The following GRAMD1C variants were observed in gnomAD, a reference collection of about 807,000 sequenced individuals.
The protein encoded by GRAMD1C is protein Aster-C.
Under a neutral mutation model 97.8 loss-of-function variants are expected in GRAMD1C, and 89 were observed. That is an observed-to-expected ratio of 0.91 (90% CI 0.77 to 1.09). GRAMD1C has a LOEUF of 1.09. GRAMD1C is among the 50% of genes least tolerant of loss of function. The pLI is 0.00. For synonymous variants in GRAMD1C, 256 were observed against 267.0 expected (o/e 0.96, Z 0.40); for missense variants, 740 against 766.4 (o/e 0.97, Z 0.41).
At chr3:113,901,293 G>A (rs940638794) in intron 7 of GRAMD1C, 147 bp downstream of exon 7, 5 of 574,822 alleles carry the variant, frequency 8.7e-6, no homozygotes, top group Admixed American at 2.7e-5. Context: ...GGGGTGAAAG[G>A]TGGGGACAGA....
intron 2 of GRAMD1C, among the ~76,000 whole-genome samples, chr3:113,854,393 T>C (rs1934037436): frequency 6.6e-6 from 1 of 151,952 alleles, no homozygotes. Flanking sequence ...GAGCAGAAAG[T>C]GGCAAAAAAG....
chr3:113,846,153 C>T (rs1933603819), intron 2 of GRAMD1C, among the ~76,000 whole-genome samples: 2 of 151,788 alleles, frequency 1.3e-5, no homozygotes, highest in South Asian at 4.2e-4. Flanking sequence ...GTCACCCAGG[C>T]CAGAGTACAA....
intron 1 of GRAMD1C, among the ~76,000 whole-genome samples, chr3:113,839,663 A>C (rs899258993): frequency 3.9e-5 from 6 of 152,200 alleles, no homozygotes; most frequent in Non-Finnish European, 7.3e-5. Context: ...GTCAAGCTGG[A>C]TATTCATGAA....
At chr3:113,943,509 A>G (rs1937908042) in intron 17 of GRAMD1C, among the ~76,000 whole-genome samples, 1 of 152,156 alleles carries the variant, frequency 6.6e-6, no homozygotes, top group African/African-American at 2.4e-5. Flanking sequence ...TTCCATTACT[A>G]TGGGTGTGCC....
At chr3:113,942,170 T>C (rs551895305) in intron 17 of GRAMD1C, among the ~76,000 whole-genome samples, 1 of 151,548 alleles carries the variant, frequency 6.6e-6, no homozygotes, top group South Asian at 2.1e-4. Context: ...TGCCTTGGCC[T>C]CCCAAAGTGT....
At chr3:113,926,450 G>A (rs1937232814) in intron 10 of GRAMD1C, among the ~76,000 whole-genome samples, 1 of 152,024 alleles carries the variant, frequency 6.6e-6, no homozygotes, top group African/African-American at 2.4e-5. Flanking sequence ...TTCTTGGATT[G>A]GGTTTTGAGT....
chr3:113,912,604 A>G (rs776521979), intron 9 of GRAMD1C, among the ~76,000 whole-genome samples: 58 of 152,072 alleles, frequency 3.8e-4, no homozygotes, highest in Non-Finnish European at 3.1e-4. Flanking sequence ...ATGGTGGTGC[A>G]TGCCTATAGT....
chr3:113,847,859 A>G (rs1339940074), intron 2 of GRAMD1C, among the ~76,000 whole-genome samples: 2 of 152,216 alleles, frequency 1.3e-5, no homozygotes, highest in Non-Finnish European at 2.9e-5. Context: ...AAGGAAGACA[A>G]GTAGCATAAC....
intron 2 of GRAMD1C, among the ~76,000 whole-genome samples, chr3:113,867,716 C>T (rs1022326738): frequency 1.3e-5 from 2 of 152,060 alleles, no homozygotes; most frequent in Non-Finnish European, 2.9e-5. Context: ...TTTTCTTGCT[C>T]GTTTCAGGAT....
At chr3:113,876,330 T>G (rs1935032396) in intron 5 of GRAMD1C, 70 bp downstream of exon 5, 1 of 785,536 alleles carries the variant, frequency 1.3e-6, no homozygotes, top group African/African-American at 1.7e-5. Context: ...ATCATCAATG[T>G]TGGGAAATTA....
chr3:113,906,899 C>T (rs115369490), intron 8 of GRAMD1C, among the ~76,000 whole-genome samples: 2,026 of 152,234 alleles, frequency 0.013, 43 homozygotes, highest in African/African-American at 0.046. Context: ...CAAGTACTTC[C>T]CACTGTGTTA....
At chr3:113,878,892 C>T (rs1412988428) in intron 5 of GRAMD1C, among the ~76,000 whole-genome samples, 1 of 152,064 alleles carries the variant, frequency 6.6e-6, no homozygotes, top group Non-Finnish European at 1.5e-5. Flanking sequence ...GCCCATCACA[C>T]CATGACACAG....
chr3:113,915,021 G>C (rs947124348), intron 9 of GRAMD1C, among the ~76,000 whole-genome samples: 1 of 152,132 alleles, frequency 6.6e-6, no homozygotes, highest in African/African-American at 2.4e-5. Context: ...GCAAGATATT[G>C]CTTCTTCATT....
rs1175165804 is a variant in GRAMD1C, at chr3:113,946,934, G to GTAAGCAA, written c.*1457_*1463dup. On this transcript the variant is annotated 3_prime_UTR_variant, in exon 18 of 18. Coordinates refer to ENST00000358160, the MANE Select transcript of GRAMD1C (RefSeq NM_017577.5). ...GTAAGGATTTATGTAGTGTCTGGCT[G>GTAAGCAA]TAAGCAAGAATGAGTGGATTATAAA... 2 of 152,322 alleles carry GTAAGCAA rather than the reference G, an allele frequency of 1.3e-5. No individual in the cohort carries two copies. Among genetic ancestry groups the GTAAGCAA allele is most frequent in the African/African-American group, 4.8e-5 (2 of 41,576 alleles). The allele number at this position is 152,322 out of a possible 1,614,324, so 9.4% of individuals were successfully genotyped here.
chr3:113,907,234 T>C (rs1226181405), intron 8 of GRAMD1C, among the ~76,000 whole-genome samples: 1 of 152,192 alleles, frequency 6.6e-6, no homozygotes, highest in Non-Finnish European at 1.5e-5. Context: ...ACTTCCAGTA[T>C]CTCCTCTGAG....
chr3:113,930,004 T>C (rs1937352563), intron 10 of GRAMD1C, among the ~76,000 whole-genome samples: 1 of 152,216 alleles, frequency 6.6e-6, no homozygotes, highest in African/African-American at 2.4e-5. Context: ...TTATTTATAC[T>C]TTTTAAGTTT....
chr3:113,841,912 T>G (rs1261500224), intron 1 of GRAMD1C, among the ~76,000 whole-genome samples: 3 of 152,162 alleles, frequency 2.0e-5, no homozygotes, highest in Non-Finnish European at 4.4e-5. Flanking sequence ...GCCCAGCTTG[T>G]TCTCCATACT....
At chr3:113,846,760 A>C (rs1384359278) in intron 2 of GRAMD1C, among the ~76,000 whole-genome samples, 1 of 152,186 alleles carries the variant, frequency 6.6e-6, no homozygotes, top group Non-Finnish European at 1.5e-5. Context: ...AAGTTTGAGA[A>C]GCACTGATTT....
intron 2 of GRAMD1C, among the ~76,000 whole-genome samples, chr3:113,863,956 A>G (rs777316909): frequency 4.6e-5 from 7 of 152,164 alleles, no homozygotes; most frequent in Admixed American, 6.5e-5. Context: ...ATGCTCTTTC[A>G]TGCTCTACCA....
Sources: gnomAD v4.1 joint callset for allele counts (sites outside exome capture counted in the v4.1 genomes callset) on GRCh38, gnomAD v4.1.1 for gene constraint, MANE v1.5 for transcripts, NCBI Gene and HGNC (gene_info 2026-07-23, HGNC 2026-07-21) for gene names.